The following ANKRD28 variants were observed in gnomAD, a reference collection of about 807,000 sequenced individuals.
The protein encoded by ANKRD28 is serine/threonine-protein phosphatase 6 regulatory ankyrin repeat subunit A.
ANKRD28 carries 44 observed loss-of-function variants against 126.5 expected under a neutral mutation model. The observed-to-expected ratio is 0.35, with a 90% CI of 0.27 to 0.45. The LOEUF is 0.45. ANKRD28 is among the 20% of genes least tolerant of loss of function. The pLI is 1.00. For synonymous variants in ANKRD28, 442 were observed against 468.5 expected (o/e 0.94, Z 0.73); for missense variants, 1,110 against 1,316.6 (o/e 0.84, Z 2.43).
intron 2 of ANKRD28, among the ~76,000 whole-genome samples, chr3:15,775,235 T>C (rs1208177187): frequency 2.0e-5 from 3 of 152,182 alleles, no homozygotes; most frequent in East Asian, 1.9e-4. Context: ...TTAATTAACA[T>C]ATAAAATGTG....
At chr3:15,788,859 G>A (rs2059898748) in intron 2 of ANKRD28, among the ~76,000 whole-genome samples, 2 of 151,948 alleles carry the variant, frequency 1.3e-5, no homozygotes, top group African/African-American at 4.8e-5. Flanking sequence ...ATTTGGAGTG[G>A]GGAAAGACTG....
intron 10 of ANKRD28, among the ~76,000 whole-genome samples, chr3:15,712,765 T>C (rs1559386967): frequency 6.6e-6 from 1 of 152,234 alleles, no homozygotes; most frequent in East Asian, 1.9e-4. Context: ...ACAATAATTC[T>C]ATAAAATAAA....
chr3:15,675,077 C>G (rs2066794451), intron 27 of ANKRD28, among the ~76,000 whole-genome samples: 1 of 152,108 alleles, frequency 6.6e-6, no homozygotes, highest in Non-Finnish European at 1.5e-5. Flanking sequence ...TGAGACCAGC[C>G]TGGCCAATAT....
chr3:15,729,730 G>A (rs191395556), intron 6 of ANKRD28, among the ~76,000 whole-genome samples: 37 of 152,160 alleles, frequency 2.4e-4, no homozygotes, highest in Admixed American at 4.6e-4. Context: ...ACTGCAAGAC[G>A]CATAAAGAAC....
chr3:15,682,990 C>T lies in ANKRD28; in HGVS notation c.2389+2236G>A, dbSNP rs554737514. 5.3e-5 allele frequency among the ~76,000 whole-genome samples: 8 copies of T among 152,290 alleles called. No homozygotes were observed. In the East Asian group the frequency reaches 5.8e-4, roughly 11 times the overall value. ...GCAAAATTCTGTCTCTTGCACAAAACGTGCTTAGAGTCTAAATTTAGCAGT... is the reference window on the plus strand; with the variant it reads ...GCAAAATTCTGTCTCTTGCACAAAATGTGCTTAGAGTCTAAATTTAGCAGT... On this transcript the variant is annotated intron_variant, in intron 21 of 27. Coordinates refer to ENST00000683139, the MANE Select transcript of ANKRD28 (RefSeq NM_001349278.2).
chr3:15,782,234 C>A (rs563625632), intron 2 of ANKRD28, among the ~76,000 whole-genome samples: 28 of 152,030 alleles, frequency 1.8e-4, no homozygotes, highest in Non-Finnish European at 3.2e-4. Context: ...TTCCAACTAG[C>A]CAGTTAGGGA....
rs1469067660 is a variant in ANKRD28, at chr3:15,838,946, A to G, written c.27+20431T>C. Among the ~76,000 whole-genome samples, 1 of 152,218 alleles carries G rather than the reference A, an allele frequency of 6.6e-6. No homozygotes were observed. Among genetic ancestry groups the G allele is most frequent in the East Asian group, 1.9e-4 (1 of 5,198 alleles). On this transcript the variant is annotated intron_variant, in intron 1 of 27. Transcript: ENST00000399451. The surrounding 1 kb of genome is among the most constrained non-coding windows in gnomAD (Gnocchi z 4.0). ...ATTCAGCAACGAAGAACCAATTAAT[A>G]CATGTTACAACATGAATGAACCTCA... is the stretch of plus-strand genomic sequence containing the variant.
intron 1 of ANKRD28, among the ~76,000 whole-genome samples, chr3:15,826,378 G>T (rs1045453982): frequency 1.3e-5 from 2 of 152,070 alleles, no homozygotes; most frequent in Admixed American, 1.3e-4. Flanking sequence ...TATTATCATG[G>T]ATAAATTTTA....
At position 15,854,779 on chromosome 3, in the gene ANKRD28, G is replaced by A. The variant is rs2061727409; in HGVS notation, c.27+4598C>T. Among the ~76,000 whole-genome samples, 1 of 151,966 alleles carries A rather than the reference G, an allele frequency of 6.6e-6. No individual in the cohort carries two copies. The highest frequency in any genetic ancestry group is 6.6e-5 in the Admixed American group (1 of 15,266). On this transcript the variant is annotated intron_variant, in intron 1 of 27. Transcript: ENST00000399451. The surrounding 1 kb of genome is among the most constrained non-coding windows in gnomAD (Gnocchi z 4.1). Reference sequence around the variant, plus strand: ...CAAAACAGGAAGACACGCCAGGCATGGTGGCTCACGCCTGTAATCCCAGCA... The same window carrying A: ...CAAAACAGGAAGACACGCCAGGCATAGTGGCTCACGCCTGTAATCCCAGCA...
intron 4 of ANKRD28, among the ~76,000 whole-genome samples, chr3:15,740,128 T>C (rs1216229845): frequency 3.9e-5 from 6 of 152,160 alleles, no homozygotes; most frequent in Non-Finnish European, 7.4e-5. Flanking sequence ...AAAGAAGTCG[T>C]GACACAAGAA....
intron 8 of ANKRD28, among the ~76,000 whole-genome samples, chr3:15,719,920 G>A (rs909524651): frequency 6.6e-6 from 1 of 151,948 alleles, no homozygotes; most frequent in African/African-American, 2.4e-5. Flanking sequence ...ACCCAGGCTG[G>A]AGGGCAGTAG....
chr3:15,778,037 C>G (rs1345317324), intron 2 of ANKRD28, among the ~76,000 whole-genome samples: 2 of 152,136 alleles, frequency 1.3e-5, no homozygotes, highest in East Asian at 3.8e-4. Flanking sequence ...TGTTATGCAG[C>G]AATAAAAAAT....
chr3:15,671,577 AGTTTTTTTTTT>A (rs934110791), intron 27 of ANKRD28, among the ~76,000 whole-genome samples: 24 of 145,276 alleles, frequency 1.7e-4, no homozygotes, highest in Non-Finnish European at 1.0e-4. Flanking sequence ...TAAACACTAT[AGTTTTTTTTTT>A]GTTTTTTTTT....
At chr3:15,836,833 C>T (rs533169812) in intron 1 of ANKRD28, among the ~76,000 whole-genome samples, 28 of 152,212 alleles carry the variant, frequency 1.8e-4, no homozygotes, top group African/African-American at 5.5e-4. Flanking sequence ...TCCCAGCTCA[C>T]ACCTGTAATA....
intron 1 of ANKRD28, among the ~76,000 whole-genome samples, chr3:15,822,262 A>C (rs1221411496): frequency 1.3e-5 from 2 of 152,196 alleles, no homozygotes; most frequent in African/African-American, 2.4e-5. Flanking sequence ...AATTTCTAAA[A>C]TCTAGGAGAG....
At chr3:15,716,639 G>A (rs1278357304) in intron 8 of ANKRD28, among the ~76,000 whole-genome samples, 2 of 151,550 alleles carry the variant, frequency 1.3e-5, no homozygotes, top group African/African-American at 4.9e-5. Context: ...TTGATAAGAA[G>A]GATAAGAAAA....
At chr3:15,822,761 T>C (rs543061577) in intron 1 of ANKRD28, among the ~76,000 whole-genome samples, 46 of 151,150 alleles carry the variant, frequency 3.0e-4, no homozygotes, top group African/African-American at 1.0e-3. Flanking sequence ...TGTTAAAAAA[T>C]AGAAGTCACA....
chr3:15,670,073 A>G lies in ANKRD28; in HGVS notation c.*197T>C. The G allele has an allele frequency of 1.7e-6, 1 of 582,638 alleles. No individual in the cohort carries two copies. Among genetic ancestry groups the G allele is most frequent in the Non-Finnish European group, 3.0e-6 (1 of 335,540 alleles). The allele number at this position is 582,638 out of a possible 1,614,324, so 36.1% of individuals were successfully genotyped here. On this transcript the variant is annotated 3_prime_UTR_variant, in exon 28 of 28. Transcript: ENST00000683139. ...CAATGTGTTTTCCTCAGTCAGGTCT[A>G]TTTCAAGATTCTAGAAGTTCCTTTT... is the stretch of plus-strand genomic sequence containing the variant.
chr3:15,735,481 A>G lies in ANKRD28; in HGVS notation c.569T>C (p.Leu190Ser). The change falls in exon 6 of 28, where the codon TTG (leucine) becomes TCG (serine). Residue 190 changes from leucine (L) to serine (S), a missense_variant. Physicochemically the swap from Leu to Ser is moderately radical, Grantham distance 145. Transcript: ENST00000683139. ...AGCATTAATATTGGCACCTCTAGAC[A>G]AGAGTAGTTTGACCATCTGGAATAG... is the stretch of plus-strand genomic sequence containing the variant. ...SGHGEMVKLL[L>S]SRGANINAFD... 1 of 1,555,630 alleles carries G rather than the reference A, an allele frequency of 6.4e-7. No individual in the cohort carries two copies. The highest frequency in any genetic ancestry group is 1.2e-5 in the South Asian group (1 of 84,236).
Sources: allele counts gnomAD v4.1 joint callset (sites outside exome capture counted in the v4.1 genomes callset), GRCh38; gene constraint gnomAD v4.1.1; non-coding constraint Gnocchi (gnomAD v3.1); transcripts MANE v1.5; gene names NCBI Gene and HGNC (gene_info 2026-07-23, HGNC 2026-07-21).